The following SSBP2 variants were observed in gnomAD, a reference collection of about 807,000 sequenced individuals.
SSBP2 encodes the protein single stranded DNA binding protein 2, also known as single-stranded DNA-binding protein 2.
Under a neutral mutation model 61.8 loss-of-function variants are expected in SSBP2, and 17 were observed. The ratio of observed to expected loss-of-function variants is 0.28; its 90% confidence interval spans 0.19 to 0.41. SSBP2 has a LOEUF of 0.41. Ranked by LOEUF, SSBP2 falls within the 10% of genes least tolerant of loss-of-function variation. The probability of loss-of-function intolerance (pLI) is 1.00; values close to 1 mark genes in which losing one functional copy is unlikely to be tolerated. For synonymous variants in SSBP2, 139 were observed against 141.3 expected (o/e 0.98, Z 0.12); for missense variants, 310 against 458.7 (o/e 0.68, Z 2.96).
chr5:81,592,343 A>T (rs960663160), intron 4 of SSBP2, among the ~76,000 whole-genome samples: 1 of 152,246 alleles, frequency 6.6e-6, no homozygotes, highest in Non-Finnish European at 1.5e-5. Context: ...AGCGGCTGGT[A>T]AGCTCAAACT....
chr5:81,702,582 A>AT (rs928025550), intron 1 of SSBP2, among the ~76,000 whole-genome samples: 68 of 151,350 alleles, frequency 4.5e-4, no homozygotes, highest in African/African-American at 9.4e-4. Context: ...CAGGAATGCT[A>AT]TTTTTTTTTG....
intron 4 of SSBP2, among the ~76,000 whole-genome samples, chr5:81,528,583 C>T (rs1460729804): frequency 6.6e-6 from 1 of 151,920 alleles, no homozygotes; most frequent in Non-Finnish European, 1.5e-5. Context: ...AGATCAAGTT[C>T]TAATACATGG....
At chr5:81,435,287 A>T (rs35995231) in intron 15 of SSBP2, among the ~76,000 whole-genome samples, 6 of 152,020 alleles carry the variant, frequency 3.9e-5, no homozygotes, top group African/African-American at 1.5e-4. Context: ...TTATCTTTGG[A>T]TTTTTAGAGC....
intron 1 of SSBP2, among the ~76,000 whole-genome samples, chr5:81,651,195 A>C (rs984976661): frequency 6.6e-6 from 1 of 152,132 alleles, no homozygotes; most frequent in Non-Finnish European, 1.5e-5. Flanking sequence ...ACAACAGTTC[A>C]GTTTCTGCTA....
At chr5:81,665,719 G>C (rs999257770) in intron 1 of SSBP2, among the ~76,000 whole-genome samples, 1 of 152,100 alleles carries the variant, frequency 6.6e-6, no homozygotes, top group African/African-American at 2.4e-5. Flanking sequence ...TGGCCAGGCT[G>C]GTCTTGAACT....
At chr5:81,614,806 T>G (rs970625216) in intron 4 of SSBP2, among the ~76,000 whole-genome samples, 2 of 151,962 alleles carry the variant, frequency 1.3e-5, no homozygotes, top group Non-Finnish European at 2.9e-5. Flanking sequence ...ATCTTCACTG[T>G]TTTTTTTCTT....
At chr5:81,513,373 A>G (rs1244791720) in intron 5 of SSBP2, among the ~76,000 whole-genome samples, 1 of 152,156 alleles carries the variant, frequency 6.6e-6, no homozygotes, top group Non-Finnish European at 1.5e-5. Flanking sequence ...TTAATGGGCT[A>G]ATTTGTATTT....
intron 15 of SSBP2, among the ~76,000 whole-genome samples, chr5:81,432,615 G>A (rs1459701081): frequency 2.0e-5 from 3 of 152,060 alleles, no homozygotes; most frequent in Admixed American, 2.0e-4. Flanking sequence ...GTATGGTGGT[G>A]TGCGCCTGTA....
At chr5:81,747,028 G>C (rs1469677759) in intron 1 of SSBP2, among the ~76,000 whole-genome samples, 1 of 140,930 alleles carries the variant, frequency 7.1e-6, no homozygotes, top group Non-Finnish European at 1.6e-5. Flanking sequence ...TTCCTGGGGG[G>C]GGGGGGAATC....
Position 81,615,384 on chromosome 5 carries a change from A to G in SSBP2, c.282+89T>C, listed in dbSNP as rs931939341. The G allele has an allele frequency of 2.3e-5, 22 of 967,694 alleles. No individual in the cohort carries two copies. The African/African-American group carries it at 3.4e-4, about 15-fold the overall frequency. The allele number at this position is 967,694 out of a possible 1,614,324, so 59.9% of individuals were successfully genotyped here. A position where few individuals can be genotyped will look rare whatever the true frequency, so the allele number is the denominator to read the frequency against. On this transcript the variant is annotated intron_variant, in intron 4 of 16. Coordinates refer to ENST00000320672, the MANE Select transcript of SSBP2 (RefSeq NM_012446.5). The stretch of plus-strand genomic sequence containing the variant: ...AAACAATTTCTTAAGTACCAAAACA[A>G]AAGAATAGATGAGCCAGTGTATTTT...
intron 1 of SSBP2, among the ~76,000 whole-genome samples, chr5:81,733,529 A>T (rs1352242338): frequency 6.6e-6 from 1 of 152,216 alleles, no homozygotes; most frequent in Non-Finnish European, 1.5e-5. Context: ...ATATATTTCA[A>T]AAAACGTGAA....
intron 1 of SSBP2, among the ~76,000 whole-genome samples, chr5:81,671,609 C>G (rs1751582736): frequency 6.6e-6 from 1 of 152,120 alleles, no homozygotes. Flanking sequence ...TAAACACTTA[C>G]TATGCTAATC....
chr5:81,659,095 A>G (rs1750470816), intron 1 of SSBP2, among the ~76,000 whole-genome samples: 1 of 152,230 alleles, frequency 6.6e-6, no homozygotes, highest in Admixed American at 6.5e-5. Flanking sequence ...ATACCCTTTG[A>G]AAACTGGCAC....
At chr5:81,731,822 T>C (rs1756286488) in intron 1 of SSBP2, among the ~76,000 whole-genome samples, 2 of 150,792 alleles carry the variant, frequency 1.3e-5, no homozygotes, top group African/African-American at 2.4e-5. Context: ...TATAATATTG[T>C]TATAATAAAT....
At chr5:81,578,654 G>T (rs1303189018) in intron 4 of SSBP2, among the ~76,000 whole-genome samples, 3 of 151,620 alleles carry the variant, frequency 2.0e-5, no homozygotes, top group African/African-American at 4.8e-5. Context: ...AAGATTAACA[G>T]AAGTAAATTA....
intron 4 of SSBP2, among the ~76,000 whole-genome samples, chr5:81,589,298 G>A (rs1775317304): frequency 6.6e-6 from 1 of 152,130 alleles, no homozygotes; most frequent in Non-Finnish European, 1.5e-5. Flanking sequence ...AATCTATGAA[G>A]TACAGCATGA....
rs60642395 is a variant in SSBP2, at chr5:81,587,763, G to GCACACACA, written c.282+27702_282+27709dup. Reference sequence around the variant, plus strand: ...CACACACACGCACACACACGCGCGCGCACACACACACACACACACACTAAT... The same window carrying GCACACACA: ...CACACACACGCACACACACGCGCGCGCACACACACACACACACACACACACACACTAAT... On this transcript the variant is annotated intron_variant, in intron 4 of 16. Transcript: ENST00000320672. 1.3e-3 allele frequency among the ~76,000 whole-genome samples: 187 copies of GCACACACA among 149,034 alleles called. 1 individual carries two copies. Among genetic ancestry groups the GCACACACA allele is most frequent in the South Asian group, 5.8e-3 (27 of 4,652 alleles).
In SSBP2 at chr5:81,414,206, A is replaced by G. The variant is rs1377083358; in HGVS notation, c.*6298T>C. 3 of 152,168 alleles carry G rather than the reference A, an allele frequency of 2.0e-5. No homozygotes were observed. The highest frequency in any genetic ancestry group is 4.4e-5 in the Non-Finnish European group (3 of 68,000). 9.4% of individuals were successfully genotyped at this position (152,168 alleles called of 1,614,324 possible). A position where few individuals can be genotyped will look rare whatever the true frequency, so the allele number is the denominator to read the frequency against. ...GCCAGTAAATTTGCAAAGAGAGGAG[A>G]CAAACTGTAATTGTATACATAAAAA... On this transcript the variant is annotated 3_prime_UTR_variant, in exon 17 of 17. Coordinates refer to ENST00000320672, the MANE Select transcript of SSBP2 (RefSeq NM_012446.5).
chr5:81,515,954 A>G (rs1325980847), intron 4 of SSBP2, among the ~76,000 whole-genome samples: 1 of 151,932 alleles, frequency 6.6e-6, no homozygotes, highest in Non-Finnish European at 1.5e-5. Flanking sequence ...ATAGTAAAGG[A>G]TTTTTAAGTT....
Sources: allele counts gnomAD v4.1 joint callset (sites outside exome capture counted in the v4.1 genomes callset), GRCh38; gene constraint gnomAD v4.1.1; transcripts MANE v1.5; gene names NCBI Gene and HGNC (gene_info 2026-07-23, HGNC 2026-07-21).